The following OARD1 variants were observed in gnomAD, a reference collection of about 807,000 sequenced individuals.
The protein encoded by OARD1 is ADP-ribose glycohydrolase OARD1.
OARD1 carries 19 observed loss-of-function variants against 19.7 expected under a neutral mutation model. The observed-to-expected ratio is 0.96, with a 90% CI of 0.67 to 1.41. The LOEUF is 1.41. Ranked by LOEUF, OARD1 falls within the 40% of genes most tolerant of loss-of-function variation. The pLI, the probability that OARD1 is intolerant of heterozygous loss-of-function variation, is 0.00. For synonymous variants in OARD1, 70 were observed against 61.8 expected (o/e 1.13, Z -0.62); for missense variants, 190 against 183.8 (o/e 1.03, Z -0.20).
intron 4 of OARD1, 187 bp from the exon 5 acceptor site, chr6:41,069,140 A>G (rs1763187145): frequency 2.4e-6 from 1 of 414,706 alleles, no homozygotes; most frequent in African/African-American, 2.4e-5. Context: ...AAAATCCACT[A>G]AATAGAGGCT....
At chr6:41,080,714 C>T (rs1379216584) in intron 1 of OARD1, 4 of 976,864 alleles carry the variant, frequency 4.1e-6, no homozygotes, top group Admixed American at 1.8e-5. Context: ...GTCCTTCAGG[C>T]TTCCGTCTCT....
At chr6:41,079,894 G>T (rs1446683129) in intron 1 of OARD1, among the ~76,000 whole-genome samples, 1 of 152,206 alleles carries the variant, frequency 6.6e-6, no homozygotes, top group East Asian at 1.9e-4. Context: ...GGGAAAGGTA[G>T]TATTGATGAT....
At chr6:41,077,364 A>G (rs956123898), upstream of OARD1, among the ~76,000 whole-genome samples, 20 of 152,296 alleles carry the variant, frequency 1.3e-4, no homozygotes, top group Non-Finnish European at 2.6e-4. Context: ...AATGTTCCTA[A>G]GGCTCCATGC....
intron 1 of OARD1, among the ~76,000 whole-genome samples, chr6:41,093,937 A>T (rs1314710543): frequency 3.9e-5 from 6 of 152,180 alleles, no homozygotes; most frequent in Non-Finnish European, 7.4e-5. Flanking sequence ...GGAGGATCAC[A>T]TGAGCCGAGG....
At chr6:41,084,024 T>C (rs1468826852) in intron 1 of OARD1, 1 of 1,582,064 alleles carries the variant, frequency 6.3e-7, no homozygotes, top group Admixed American at 1.8e-5. Context: ...TATTTCATTG[T>C]TCTTATTTTA....
At chr6:41,069,874 A>G (rs1437397108) in intron 4 of OARD1, 3 of 637,424 alleles carry the variant, frequency 4.7e-6, no homozygotes, top group Non-Finnish European at 8.6e-6. Context: ...ATGCAGCCTC[A>G]CATTTCTTTC....
intron 1 of OARD1, among the ~76,000 whole-genome samples, chr6:41,078,480 CTT>C (rs3830787): frequency 0.3 from 45,936 of 151,890 alleles, 7,761 homozygotes; most frequent in African/African-American, 0.45. Flanking sequence ...CGATTGCTAA[CTT>C]ATATCATTTT....
chr6:41,097,400 G>A (rs751419248), intron 1 of OARD1: 16 of 1,613,804 alleles, frequency 9.9e-6, no homozygotes, highest in Non-Finnish European at 1.3e-5. Flanking sequence ...CAGATCATCC[G>A]AGTGTCCTAA....
intron 1 of OARD1, chr6:41,080,843 G>C (rs772456505): frequency 2.5e-6 from 4 of 1,613,912 alleles, no homozygotes; most frequent in South Asian, 1.1e-5. Flanking sequence ...TGCAGTTGCA[G>C]ACTGAGGCCC....
intron 3 of OARD1, chr6:41,070,770 G>C: frequency 6.8e-6 from 3 of 440,564 alleles, no homozygotes; most frequent in South Asian, 6.0e-5. Context: ...GTGATGGGAG[G>C]GGTCTGTAAG....
intron 1 of OARD1, among the ~76,000 whole-genome samples, chr6:41,096,227 A>G (rs1048211511): frequency 2.0e-5 from 3 of 152,194 alleles, no homozygotes; most frequent in African/African-American, 7.2e-5. Context: ...CAATCAAACT[A>G]GGTTTCCTCA....
chr6:41,072,900 C>G (rs765466619), upstream of OARD1: 1 of 153,330 alleles, frequency 6.5e-6, no homozygotes, highest in East Asian at 1.9e-4. Flanking sequence ...AGTTAGTGGG[C>G]GTGGCCTCAG....
intron 1 of OARD1, among the ~76,000 whole-genome samples, chr6:41,085,751 CA>C (rs1764028209): frequency 7.3e-6 from 1 of 137,926 alleles, no homozygotes; most frequent in African/African-American, 3.1e-5. Context: ...GTTGTGTTTT[CA>C]TTTTTTTTTT....
At chr6:41,074,003 C>A (rs4140580), upstream of OARD1, among the ~76,000 whole-genome samples, 6 of 151,528 alleles carry the variant, frequency 4.0e-5, no homozygotes, top group Non-Finnish European at 8.8e-5. Flanking sequence ...TACCCTTGCG[C>A]ATTCTTTCCG....
At chr6:41,089,027 C>T (rs918041254) in intron 1 of OARD1, among the ~76,000 whole-genome samples, 6 of 151,958 alleles carry the variant, frequency 3.9e-5, no homozygotes, top group Admixed American at 1.3e-4. Flanking sequence ...GCTCTGTCGC[C>T]CAGGCTGGAG....
chr6:41,073,777 TCC>T (rs1419327777), upstream of OARD1, among the ~76,000 whole-genome samples: 5 of 151,858 alleles, frequency 3.3e-5, no homozygotes, highest in Non-Finnish European at 7.4e-5. Context: ...CTCCCCCTGC[TCC>T]GCCGCGCCCC....
intron 5 of OARD1, among the ~76,000 whole-genome samples, chr6:41,068,404 G>T (rs538626678): frequency 6.6e-6 from 1 of 152,218 alleles, no homozygotes; most frequent in Non-Finnish European, 1.5e-5. Context: ...CAGTATAAAA[G>T]GGAATGATAA....
At chr6:41,088,375 A>T (rs2113808723) in intron 1 of OARD1, among the ~76,000 whole-genome samples, 1 of 146,860 alleles carries the variant, frequency 6.8e-6, no homozygotes, top group Admixed American at 6.9e-5. Flanking sequence ...GTGAGCCAAG[A>T]TCACACCACT....
chr6:41,080,780 T>C (rs1353233115), intron 1 of OARD1: 1 of 1,578,528 alleles, frequency 6.3e-7, no homozygotes, highest in East Asian at 2.2e-5. Context: ...CTTCCTGACA[T>C]ATTTCAAGCT....
Sources: gnomAD v4.1 joint callset for allele counts (sites outside exome capture counted in the v4.1 genomes callset) on GRCh38, gnomAD v4.1.1 for gene constraint, MANE v1.5 for transcripts, NCBI Gene and HGNC (gene_info 2026-07-23, HGNC 2026-07-21) for gene names.